SPRR2G: variants seen among roughly 807,000 people sequenced by gnomAD.
SPRR2G encodes small proline rich protein 2G.
SPRR2G carries 1 observed loss-of-function variant against 0.7 expected under a neutral mutation model. That is an observed-to-expected ratio of 1.49 (90% CI 0.53 to 7.06). The LOEUF (loss-of-function observed/expected upper bound fraction) is 7.06. Among genes scored for constraint, SPRR2G ranks in the 30% most tolerant of loss-of-function variants. The pLI is 0.14. For synonymous variants in SPRR2G, 38 were observed against 33.9 expected (o/e 1.12, Z -0.42); for missense variants, 96 against 88.5 (o/e 1.09, Z -0.34).
chr1:153,197,257 C>T, the SPRR2G span, among the ~76,000 whole-genome samples: 1 of 151,674 alleles, frequency 6.6e-6, no homozygotes. Context: ...CTCGCTGAAG[C>T]TTGAGTCCAT....
At chr1:153,198,190 A>T in the SPRR2G span, among the ~76,000 whole-genome samples, 1 of 152,082 alleles carries the variant, frequency 6.6e-6, no homozygotes, top group Non-Finnish European at 1.5e-5. Flanking sequence ...TTAAAAAAAT[A>T]AAAAAAGTCT....
chr1:153,170,189 T>C, the SPRR2G span, among the ~76,000 whole-genome samples: 1,033 of 152,348 alleles, frequency 6.8e-3, 10 homozygotes, highest in Non-Finnish European at 0.011. Context: ...CTTAAAGTAC[T>C]CTAAAATTGA....
the SPRR2G span, among the ~76,000 whole-genome samples, chr1:153,167,313 A>T: frequency 1.3e-5 from 2 of 152,134 alleles, no homozygotes; most frequent in East Asian, 3.9e-4. Context: ...CATCTCTACT[A>T]AAAATACAAA....
chr1:153,193,541 C>A, the SPRR2G span, among the ~76,000 whole-genome samples: 2 of 152,174 alleles, frequency 1.3e-5, no homozygotes, highest in Non-Finnish European at 2.9e-5. Flanking sequence ...TGACTTTAAA[C>A]TTCATTTAAT....
the SPRR2G span, chr1:153,190,364 C>T: frequency 6.6e-6 from 1 of 152,328 alleles, no homozygotes; most frequent in Non-Finnish European, 1.5e-5. Flanking sequence ...TAATAGGGAC[C>T]ACCACACAAC....
Position 153,150,728 on chromosome 1 carries a change from A to G in SPRR2G, c.-22+124T>C, listed in dbSNP as rs182998814. ...ATACCAGCTAAAATTTACCTTCAAG[A>G]CCTCATTATCTTCTTTTTCCTATCC... On this transcript the variant is annotated intron_variant, in intron 1 of 1. Coordinates refer to ENST00000368748, the MANE Select transcript of SPRR2G (RefSeq NM_001014291.4). 168 of 156,238 alleles carry G rather than the reference A, an allele frequency of 1.1e-3. 2 individuals carry two copies. Among genetic ancestry groups the G allele is most frequent in the African/African-American group, 4.0e-3 (166 of 41,544 alleles). The allele number at this position is 156,238 out of a possible 1,614,324, so 9.7% of individuals were successfully genotyped here.
chr1:153,202,690 C>T, the SPRR2G span, among the ~76,000 whole-genome samples: 1 of 152,180 alleles, frequency 6.6e-6, no homozygotes, highest in Non-Finnish European at 1.5e-5. Flanking sequence ...TTCACCACCC[C>T]ATCTCCCAAT....
At chr1:153,156,428 A>G in the SPRR2G span, among the ~76,000 whole-genome samples, 1 of 152,258 alleles carries the variant, frequency 6.6e-6, no homozygotes. Context: ...AACACCATGT[A>G]TCTTGCCAAT....
At chr1:153,157,399 G>A in the SPRR2G span, among the ~76,000 whole-genome samples, 7 of 152,214 alleles carry the variant, frequency 4.6e-5, no homozygotes, top group Non-Finnish European at 1.0e-4. Context: ...AGTAGATGAA[G>A]TCAAGAATAA....
chr1:153,163,290 A>T, the SPRR2G span, among the ~76,000 whole-genome samples: 6 of 152,234 alleles, frequency 3.9e-5, no homozygotes, highest in African/African-American at 7.2e-5. Flanking sequence ...GGATCAGCAG[A>T]CAAATTATCT....
the SPRR2G span, among the ~76,000 whole-genome samples, chr1:153,157,450 G>A: frequency 6.6e-6 from 1 of 152,118 alleles, no homozygotes; most frequent in Non-Finnish European, 1.5e-5. Flanking sequence ...ATGGGTCCAA[G>A]GGAGATTATA....
At chr1:153,196,398 C>T in the SPRR2G span, among the ~76,000 whole-genome samples, 2 of 152,186 alleles carry the variant, frequency 1.3e-5, no homozygotes, top group Non-Finnish European at 2.9e-5. Context: ...AATTTCTTTC[C>T]TTTTTAAGGC....
chr1:153,183,137 C>T, the SPRR2G span, among the ~76,000 whole-genome samples: 16 of 147,804 alleles, frequency 1.1e-4, no homozygotes, highest in Non-Finnish European at 9.0e-5. Flanking sequence ...GGCATGATCT[C>T]GGCTCACCAC....
At chr1:153,194,820 G>T in the SPRR2G span, among the ~76,000 whole-genome samples, 6,377 of 152,206 alleles carry the variant, frequency 0.042, 420 homozygotes, top group African/African-American at 0.14. Context: ...ACTCCCCTTG[G>T]CTGAGTGCTG....
chr1:153,178,763 T>G, the SPRR2G span, among the ~76,000 whole-genome samples: 1 of 152,160 alleles, frequency 6.6e-6, no homozygotes, highest in Non-Finnish European at 1.5e-5. Context: ...TTGTCAAGTT[T>G]CAATATCAGG....
At chr1:153,197,240 A>G in the SPRR2G span, among the ~76,000 whole-genome samples, 2 of 151,474 alleles carry the variant, frequency 1.3e-5, no homozygotes, top group African/African-American at 4.9e-5. Context: ...GGAAGGGGAG[A>G]TGGACACTCG....
At chr1:153,173,480 A>T in the SPRR2G span, among the ~76,000 whole-genome samples, 1 of 152,226 alleles carries the variant, frequency 6.6e-6, no homozygotes, top group Non-Finnish European at 1.5e-5. Flanking sequence ...AAAAGGAATC[A>T]TGGGATCAGA....
the SPRR2G span, among the ~76,000 whole-genome samples, chr1:153,167,862 A>G: frequency 6.6e-6 from 1 of 152,232 alleles, no homozygotes; most frequent in Non-Finnish European, 1.5e-5. Flanking sequence ...AAGAAGATTC[A>G]ACAAAAAATA....
the SPRR2G span, among the ~76,000 whole-genome samples, chr1:153,195,029 A>G: frequency 6.6e-6 from 1 of 152,188 alleles, no homozygotes; most frequent in African/African-American, 2.4e-5. Context: ...TCAACACAGG[A>G]AAGATGACCT....
Sources: gnomAD v4.1 joint callset for allele counts (sites outside exome capture counted in the v4.1 genomes callset) on GRCh38, gnomAD v4.1.1 for gene constraint, MANE v1.5 for transcripts, NCBI Gene and HGNC (gene_info 2026-07-23, HGNC 2026-07-21) for gene names.